Variants in TBC1D22A observed in about 807,000 individuals in gnomAD.
TBC1D22A encodes the protein TBC1 domain family member 22A, also known as putative GTPase activator.
Under a neutral mutation model 60.2 loss-of-function variants are expected in TBC1D22A, and 38 were observed. The observed-to-expected ratio is 0.63, with a 90% CI of 0.49 to 0.83. The LOEUF is 0.83. Among genes scored for constraint, TBC1D22A ranks in the 40% least tolerant of loss-of-function variants. TBC1D22A has a pLI of 0.00. For synonymous variants in TBC1D22A, 302 were observed against 281.7 expected, an observed-to-expected ratio of 1.07 and a Z score of -0.72; for missense variants, 628 against 701.0, an observed-to-expected ratio of 0.90 and a Z score of 1.18.
intron 4 of TBC1D22A, among the ~76,000 whole-genome samples, chr22:46,839,291 C>T (rs147822901): frequency 1.3e-5 from 2 of 150,892 alleles, no homozygotes; most frequent in Non-Finnish European, 2.9e-5. Flanking sequence ...GTAACCAAGG[C>T]GGTGAAGGAT....
At chr22:46,821,374 C>T (rs973999779) in intron 4 of TBC1D22A, among the ~76,000 whole-genome samples, 38 of 152,142 alleles carry the variant, frequency 2.5e-4, no homozygotes, top group Non-Finnish European at 4.3e-4. Context: ...TGGCTGGTAC[C>T]GGTTTTTCCT....
chr22:47,151,380 A>G (rs1369925334), intron 12 of TBC1D22A, among the ~76,000 whole-genome samples: 1 of 152,262 alleles, frequency 6.6e-6, no homozygotes, highest in East Asian at 1.9e-4. Context: ...CAGGCAGCAG[A>G]AAAATCAATG....
intron 7 of TBC1D22A, among the ~76,000 whole-genome samples, chr22:46,910,205 T>TA (rs2069812629): frequency 6.6e-6 from 1 of 152,200 alleles, no homozygotes; most frequent in African/African-American, 2.4e-5. Flanking sequence ...GTGGCTCTGT[T>TA]ACTCACCTGA....
chr22:47,023,360 G>A (rs148941740), intron 10 of TBC1D22A, among the ~76,000 whole-genome samples: 3 of 152,264 alleles, frequency 2.0e-5, no homozygotes, highest in East Asian at 3.9e-4. Context: ...AGTGAACTGT[G>A]GGACAATTTA....
chr22:46,974,615 C>A (rs917649459), intron 9 of TBC1D22A, among the ~76,000 whole-genome samples: 1 of 152,220 alleles, frequency 6.6e-6, no homozygotes, highest in Non-Finnish European at 1.5e-5. Context: ...ACGTGTCCTG[C>A]TGAGGGCCCA....
At chr22:46,980,040 G>A (rs367564237) in intron 9 of TBC1D22A, among the ~76,000 whole-genome samples, 91 of 152,248 alleles carry the variant, frequency 6.0e-4, no homozygotes, top group African/African-American at 2.1e-3. Flanking sequence ...GTTAGCGATT[G>A]CTCTCGTTAG....
At chr22:46,837,284 A>G (rs1569110121) in intron 4 of TBC1D22A, among the ~76,000 whole-genome samples, 1 of 152,222 alleles carries the variant, frequency 6.6e-6, no homozygotes, top group Non-Finnish European at 1.5e-5. Flanking sequence ...AGAAATAGCA[A>G]TACAATAATA....
chr22:47,164,582 TG>T (rs893380582), intron 12 of TBC1D22A, among the ~76,000 whole-genome samples: 2 of 152,256 alleles, frequency 1.3e-5, no homozygotes, highest in African/African-American at 2.4e-5. Context: ...AGAGGGTTCC[TG>T]GGCCTGTTTC....
At chr22:46,966,026 G>A (rs2073784366) in intron 8 of TBC1D22A, among the ~76,000 whole-genome samples, 1 of 152,160 alleles carries the variant, frequency 6.6e-6, no homozygotes, top group African/African-American at 2.4e-5. Context: ...CTGTGCTGAG[G>A]GTACCACTCT....
chr22:47,124,478 T>C (rs943273604), intron 12 of TBC1D22A, among the ~76,000 whole-genome samples: 13 of 152,322 alleles, frequency 8.5e-5, no homozygotes, highest in Non-Finnish European at 1.6e-4. Flanking sequence ...ACCTTGCCTC[T>C]TCTTGACCTG....
chr22:46,887,650 A>G (rs920807949), intron 5 of TBC1D22A, among the ~76,000 whole-genome samples: 1 of 152,216 alleles, frequency 6.6e-6, no homozygotes, highest in African/African-American at 2.4e-5. Context: ...AAGCAGCCAG[A>G]CAGAAAAAAT....
At chr22:47,126,927 G>T (rs936339745) in intron 12 of TBC1D22A, among the ~76,000 whole-genome samples, 3 of 152,222 alleles carry the variant, frequency 2.0e-5, no homozygotes, top group Admixed American at 6.5e-5. Flanking sequence ...CTGCTGGAGG[G>T]TCAGGTGAGA....
intron 4 of TBC1D22A, among the ~76,000 whole-genome samples, chr22:46,843,064 G>A (rs1280224769): frequency 6.6e-6 from 1 of 152,182 alleles, no homozygotes; most frequent in Non-Finnish European, 1.5e-5. Context: ...GGTGGGAAAT[G>A]GATTTAGTTC....
At chr22:46,887,513 C>G (rs1020390667) in intron 5 of TBC1D22A, among the ~76,000 whole-genome samples, 1 of 152,212 alleles carries the variant, frequency 6.6e-6, no homozygotes, top group African/African-American at 2.4e-5. Context: ...AAAGCAAAAA[C>G]TGGAAACAGC....
chr22:46,954,510 C>T (rs907162377), intron 8 of TBC1D22A, among the ~76,000 whole-genome samples: 5 of 152,182 alleles, frequency 3.3e-5, no homozygotes, highest in African/African-American at 1.2e-4. Flanking sequence ...ATTTCAACCC[C>T]TCTCATTGGC....
intron 8 of TBC1D22A, among the ~76,000 whole-genome samples, chr22:46,937,803 A>G (rs908926099): frequency 6.6e-6 from 1 of 152,108 alleles, no homozygotes; most frequent in Non-Finnish European, 1.5e-5. Context: ...GGCCTAGGCT[A>G]ATGTGTGTGT....
At chr22:46,968,195 G>C (rs991361433) in intron 8 of TBC1D22A, among the ~76,000 whole-genome samples, 1 of 152,190 alleles carries the variant, frequency 6.6e-6, no homozygotes, top group African/African-American at 2.4e-5. Context: ...GGGAGGCTCC[G>C]GCATGGATGC....
chr22:46,851,477 G>C (rs77190463), intron 4 of TBC1D22A, among the ~76,000 whole-genome samples: 24 of 152,332 alleles, frequency 1.6e-4, no homozygotes, highest in African/African-American at 5.8e-4. Flanking sequence ...TGCTGGTGCC[G>C]GCCTGGCCCA....
chr22:47,030,309 C>CT (rs1201429234), intron 10 of TBC1D22A, among the ~76,000 whole-genome samples: 1 of 152,198 alleles, frequency 6.6e-6, no homozygotes, highest in Admixed American at 6.5e-5. Context: ...GGTGATAAAT[C>CT]TGAGTGTCTG....
Sources: gnomAD v4.1 joint callset for allele counts (sites outside exome capture counted in the v4.1 genomes callset) on GRCh38, gnomAD v4.1.1 for gene constraint, MANE v1.5 for transcripts, NCBI Gene and HGNC (gene_info 2026-07-23, HGNC 2026-07-21) for gene names.